The following CHD6 variants were observed in gnomAD, a reference collection of about 807,000 sequenced individuals.
The protein encoded by CHD6 is ATP-dependent chromatin remodeler CHD6.
In CHD6, 50 loss-of-function variants were observed where a neutral mutation model predicts 276.9. That is an observed-to-expected ratio of 0.18 (90% confidence interval 0.14 to 0.23). The LOEUF (loss-of-function observed/expected upper bound fraction) is 0.23, where lower values mean the gene tolerates loss of function less well. Ranked by LOEUF, CHD6 falls within the 10% of genes least tolerant of loss-of-function variation. CHD6 has a pLI of 1.00. For missense variants in CHD6, 2,564 were observed against 3,365.8 expected (o/e 0.76, Z 5.89); for synonymous variants, 1,173 against 1,229.3 (o/e 0.95, Z 0.96).
At chr20:41,572,561 G>A (rs892841718) in intron 1 of CHD6, among the ~76,000 whole-genome samples, 1 of 152,144 alleles carries the variant, frequency 6.6e-6, no homozygotes, top group African/African-American at 2.4e-5. Context: ...ACCAGGCCTG[G>A]CTCATCTGGA....
intron 35 of CHD6, 103 bp from the exon 36 acceptor site, chr20:41,412,366 T>C (rs932674690): frequency 1.4e-5 from 19 of 1,346,114 alleles, no homozygotes; most frequent in African/African-American, 4.3e-5. Flanking sequence ...TCGTCAATGG[T>C]TGTCTGCACA....
chr20:41,487,600 C>A, intron 14 of CHD6, 65 bp downstream of exon 14: 3 of 1,488,632 alleles, frequency 2.0e-6, no homozygotes, highest in Non-Finnish European at 9.1e-7. Flanking sequence ...CCCATAGCAT[C>A]CTGCTCTTTT....
At chr20:41,417,613 A>G (rs983814969) in intron 31 of CHD6, among the ~76,000 whole-genome samples, 1 of 152,186 alleles carries the variant, frequency 6.6e-6, no homozygotes, top group Non-Finnish European at 1.5e-5. Context: ...GAAAAGAGAA[A>G]GGAAATTTTT....
chr20:41,425,141 G>C (rs762682780), intron 29 of CHD6, 37 bp downstream of exon 29: 11 of 1,554,774 alleles, frequency 7.1e-6, no homozygotes, highest in Admixed American at 6.7e-5. Context: ...TTACCCAGTG[G>C]GTGGCTGAGC....
intron 11 of CHD6, among the ~76,000 whole-genome samples, chr20:41,491,299 CATAT>C (rs145303299): frequency 7.0e-6 from 1 of 143,874 alleles, no homozygotes; most frequent in African/African-American, 2.5e-5. Flanking sequence ...TGTATATTCC[CATAT>C]ATATATATAT....
At position 41,402,754 on chromosome 20, in the gene CHD6, G is replaced by GA. The variant is rs1236476077; in HGVS notation, c.*1838dup. On this transcript the variant is annotated 3_prime_UTR_variant, in exon 37 of 37. Transcript: ENST00000373233. ...TATTGATTTTTAGGATTTAACAGCT[G>GA]AAAAAACCCTTTCTGCTTCCACTGG... is the stretch of plus-strand genomic sequence containing the variant. 1.4e-5 allele frequency: 3 copies of GA among 210,166 alleles called. No homozygotes were observed. The highest frequency in any genetic ancestry group is 2.9e-5 in the Non-Finnish European group (3 of 103,730). The allele number at this position is 210,166 out of a possible 1,614,324, so 13.0% of individuals were successfully genotyped here.
Position 41,425,161 on chromosome 20 carries a change from T to C in CHD6, c.4346+17A>G, listed in dbSNP as rs368413395. 23 of 1,609,800 alleles carry C rather than the reference T, an allele frequency of 1.4e-5. No homozygotes were observed. The East Asian group carries it at 5.1e-4, about 36-fold the overall frequency. ...CAGTGGGTGGCTGAGCATGCCCCTT[T>C]GGCCACTGGCTTTTACCTCTTTTGG... On this transcript the variant is annotated intron_variant, in intron 29 of 36. Coordinates refer to ENST00000373233, the MANE Select transcript of CHD6 (RefSeq NM_032221.5).
chr20:41,547,411 C>T, intron 2 of CHD6: 1 of 243,528 alleles, frequency 4.1e-6, no homozygotes, highest in Non-Finnish European at 8.2e-6. Context: ...CTGACACAAG[C>T]TGCCTCCACC....
intron 27 of CHD6, among the ~76,000 whole-genome samples, chr20:41,433,643 A>G (rs2047614099): frequency 6.6e-6 from 1 of 152,164 alleles, no homozygotes; most frequent in Non-Finnish European, 1.5e-5. Flanking sequence ...AAACAATAAA[A>G]GAAGGAACCT....
At chr20:41,520,827 T>TA (rs1004936637) in intron 3 of CHD6, among the ~76,000 whole-genome samples, 6 of 151,188 alleles carry the variant, frequency 4.0e-5, no homozygotes, top group Admixed American at 3.3e-4. Flanking sequence ...TAATAATAAT[T>TA]AAAAAAAAAT....
intron 3 of CHD6, among the ~76,000 whole-genome samples, chr20:41,529,286 T>C (rs916494899): frequency 1.3e-5 from 2 of 152,256 alleles, no homozygotes; most frequent in African/African-American, 4.8e-5. Context: ...TATATACATA[T>C]ACATATCTTA....
chr20:41,602,291 CCT>C lies in CHD6; in HGVS notation c.-24+16047_-24+16048del, dbSNP rs1224283769. On this transcript the variant is annotated intron_variant, in intron 1 of 36. Transcript: ENST00000373233. ...TTCCTTTCCGCTACCCCCTCCTCTC[CCT>C]CTCTCTTTCTTCCTGGCAAAGAGAA... is the stretch of plus-strand genomic sequence containing the variant. 2.0e-5 allele frequency among the ~76,000 whole-genome samples: 3 copies of C among 152,192 alleles called. 1 individual carries two copies. The highest frequency in any genetic ancestry group is 1.3e-4 in the Admixed American group (2 of 15,288).
chr20:41,417,290 C>T lies in CHD6; in HGVS notation c.6187G>A (p.Asp2063Asn). Residue 2063 changes from aspartate (D) to asparagine (N), a missense_variant, in exon 32 of 37, where the codon GAC becomes AAC. This residue lies in a region of CHD6 where 1,024 missense variants were observed against 1,047.9 expected (regional missense o/e 0.98). Coordinates refer to ENST00000373233, the MANE Select transcript of CHD6 (RefSeq NM_032221.5). ...SKSSTSGITG[D>N]IGDELQEARA... ...GCCTCCTGTAGCTCATCCCCAATGT[C>T]TCCTGTGATGCCCGATGTTGAGCTC... 1.2e-6 allele frequency: 2 copies of T among 1,614,200 alleles called. No homozygotes were observed. The highest frequency in any genetic ancestry group is 1.7e-6 in the Non-Finnish European group (2 of 1,180,022).
chr20:41,556,244 A>AAGAGGG (rs1037661590), intron 1 of CHD6, among the ~76,000 whole-genome samples: 55 of 150,854 alleles, frequency 3.6e-4, no homozygotes, highest in African/African-American at 8.8e-4. Context: ...AGACCGTGGA[A>AAGAGGG]AGAGGGAGAG....
At chr20:41,440,935 C>T (rs535442670) in intron 25 of CHD6, among the ~76,000 whole-genome samples, 1 of 152,262 alleles carries the variant, frequency 6.6e-6, no homozygotes, top group African/African-American at 2.4e-5. Flanking sequence ...TTTGGTATTT[C>T]ATTTCTATTT....
intron 36 of CHD6, among the ~76,000 whole-genome samples, chr20:41,409,380 A>G (rs2046777298): frequency 6.6e-6 from 1 of 152,232 alleles, no homozygotes; most frequent in South Asian, 2.1e-4. Flanking sequence ...AACAAGGAAA[A>G]GGAGCTTCCT....
At chr20:41,575,353 G>A (rs566978888) in intron 1 of CHD6, among the ~76,000 whole-genome samples, 1 of 152,074 alleles carries the variant, frequency 6.6e-6, no homozygotes, top group East Asian at 1.9e-4. Context: ...CAAGAACCTG[G>A]ACACCCTCTA....
intron 2 of CHD6, among the ~76,000 whole-genome samples, chr20:41,539,075 T>G (rs978053285): frequency 2.6e-5 from 4 of 152,162 alleles, no homozygotes; most frequent in Non-Finnish European, 5.9e-5. Context: ...CAATTAGAAC[T>G]CCCTGCAGGA....
At position 41,525,991 on chromosome 20, in the gene CHD6, A is replaced by G. The variant is rs142487289; in HGVS notation, c.554+7059T>C. On this transcript the variant is annotated intron_variant, in intron 3 of 36. Coordinates refer to ENST00000373233, the MANE Select transcript of CHD6 (RefSeq NM_032221.5). ...TGACACTTTGCTTCCTTTCCCTATAAAAAAACTCATAAAGCAAGACACAGA... is the reference window on the plus strand; with the variant it reads ...TGACACTTTGCTTCCTTTCCCTATAGAAAAACTCATAAAGCAAGACACAGA... Among the ~76,000 whole-genome samples, 684 of 152,278 alleles carry G rather than the reference A, an allele frequency of 4.5e-3. 5 individuals are homozygous for G. The highest frequency in any genetic ancestry group is 0.016 in the African/African-American group (655 of 41,558).
Sources: gnomAD v4.1 joint callset for allele counts (sites outside exome capture counted in the v4.1 genomes callset) on GRCh38, gnomAD v4.1.1 for gene constraint, gnomAD v4.1.1 regional missense constraint, MANE v1.5 for transcripts, NCBI Gene and HGNC (gene_info 2026-07-23, HGNC 2026-07-21) for gene names.